The following CHODL variants were observed in gnomAD, a reference collection of about 807,000 sequenced individuals.
CHODL encodes transmembrane protein MT75.
Under a neutral mutation model 34.5 loss-of-function variants are expected in CHODL, and 29 were observed. The observed-to-expected ratio is 0.84, with a 90% CI of 0.63 to 1.15. The LOEUF (loss-of-function observed/expected upper bound fraction) is 1.15. CHODL is among the 50% of genes most tolerant of loss of function. The pLI, the probability that CHODL is intolerant of heterozygous loss-of-function variation, is 0.00. For missense variants in CHODL, 332 were observed against 332.5 expected (o/e 1.00, Z 0.01); for synonymous variants, 125 against 116.1 (o/e 1.08, Z -0.49).
intron 1 of CHODL, among the ~76,000 whole-genome samples, chr21:18,000,922 C>T (rs896580653): frequency 9.2e-5 from 14 of 151,722 alleles, no homozygotes; most frequent in South Asian, 2.1e-4. Context: ...CTGAACTTTC[C>T]GAAAAACAGA....
rs571429894 is a variant in CHODL at position 17,956,364 on chromosome 21, C to A, written c.-145+38964C>A. ...AATTGAAAGCCTCCTGAGGCCCCCC[C>A]AGAAGCAGATGCTAGCACTATGCTT... On this transcript the variant is annotated intron_variant, in intron 1 of 6. Transcript: ENST00000400127. 7.3e-5 allele frequency among the ~76,000 whole-genome samples: 10 copies of A among 136,492 alleles called. No homozygotes were observed. The East Asian group carries it at 2.2e-3, about 30-fold the overall frequency. 89.5% of individuals were successfully genotyped at this position (136,492 alleles called of 152,430 possible).
At chr21:17,978,240 G>T (rs1380669388) in intron 1 of CHODL, among the ~76,000 whole-genome samples, 1 of 152,038 alleles carries the variant, frequency 6.6e-6, no homozygotes, top group African/African-American at 2.4e-5. Flanking sequence ...TGGCCAGCAT[G>T]GTGAAACCCT....
chr21:18,214,400 G>A lies in CHODL; in HGVS notation c.-44-42109G>A, dbSNP rs1272603547. Among the ~76,000 whole-genome samples the A allele has an allele frequency of 2.0e-5, 3 of 152,070 alleles. No individual in the cohort carries two copies. In the East Asian group the frequency reaches 5.8e-4, roughly 29 times the overall value. ...TGCATGCTTAGAATGGATAAGACTA[G>A]TGTTTTAATTATCTTTCAATCGCTC... is the stretch of plus-strand genomic sequence containing the variant. On this transcript the variant is annotated intron_variant, in intron 2 of 6. Transcript: ENST00000400127.
At chr21:17,922,891 G>T (rs1043187076) in intron 1 of CHODL, among the ~76,000 whole-genome samples, 1 of 152,094 alleles carries the variant, frequency 6.6e-6, no homozygotes, top group Non-Finnish European at 1.5e-5. Flanking sequence ...AGCACAGCTT[G>T]CTTTTATTCA....
chr21:18,034,588 G>A (rs1179889379), intron 2 of CHODL: 2 of 152,048 alleles, frequency 1.3e-5, no homozygotes, highest in South Asian at 2.1e-4. Context: ...GAATATATTT[G>A]TATTAGCGTG....
chr21:18,035,723 G>A (rs1568854565), intron 2 of CHODL, among the ~76,000 whole-genome samples: 1 of 151,894 alleles, frequency 6.6e-6, no homozygotes, highest in South Asian at 2.1e-4. Flanking sequence ...AACCTAATCT[G>A]CTATTAATTT....
chr21:18,248,696 T>TATATATGTATCTATTATATAC (rs1568955268), intron 1 of CHODL, among the ~76,000 whole-genome samples: 3 of 116,004 alleles, frequency 2.6e-5, no homozygotes, highest in African/African-American at 1.2e-4. Flanking sequence ...ATTATATACA[T>TATATATGTATCTATTATATAC]ATATATGTAT....
At chr21:18,165,821 T>A (rs1241126376) in intron 2 of CHODL, among the ~76,000 whole-genome samples, 1 of 152,204 alleles carries the variant, frequency 6.6e-6, no homozygotes, top group Non-Finnish European at 1.5e-5. Flanking sequence ...TCTAAATGAC[T>A]CCTGTGGCCA....
At chr21:17,959,965 A>G (rs1247257749) in intron 1 of CHODL, among the ~76,000 whole-genome samples, 1 of 152,152 alleles carries the variant, frequency 6.6e-6, no homozygotes, top group Non-Finnish European at 1.5e-5. Flanking sequence ...CAGTGGTATC[A>G]GTATTGATAT....
chr21:18,171,293 G>T (rs1283806584), intron 2 of CHODL, among the ~76,000 whole-genome samples: 1 of 125,646 alleles, frequency 8.0e-6, no homozygotes, highest in Non-Finnish European at 1.6e-5. Flanking sequence ...TGCAAGCTCC[G>T]CCTCCCGGGT....
At chr21:18,100,766 G>A (rs1359950215) in intron 2 of CHODL, among the ~76,000 whole-genome samples, 1 of 152,104 alleles carries the variant, frequency 6.6e-6, no homozygotes, top group Non-Finnish European at 1.5e-5. Flanking sequence ...TAAGATTTTT[G>A]CTTAAGCTTG....
chr21:18,249,431 A>G (rs60993879), intron 1 of CHODL, among the ~76,000 whole-genome samples: 2,865 of 152,102 alleles, frequency 0.019, 74 homozygotes, highest in African/African-American at 0.064. Flanking sequence ...AAAGGCATAT[A>G]TGGTTTGAAA....
intron 2 of CHODL, among the ~76,000 whole-genome samples, chr21:18,048,600 C>CA (rs1371222045): frequency 6.6e-6 from 1 of 151,724 alleles, no homozygotes; most frequent in Non-Finnish European, 1.5e-5. Context: ...ACCCTATCAG[C>CA]AAAAAAACTT....
intron 1 of CHODL, among the ~76,000 whole-genome samples, chr21:17,976,270 GAAAAAAAAAAAAAAAAAA>G (rs71318119): frequency 1.5e-5 from 1 of 66,536 alleles, no homozygotes; most frequent in Non-Finnish European, 3.2e-5. Context: ...GACCATCTCA[GAAAAAAAAAAAAAAAAAA>G]AAAAAAAAAA....
Position 18,245,034 on chromosome 21 carries a change from G to T in CHODL, c.-190G>T, listed in dbSNP as rs990606565. ...ACTCCAGCCCCGCACATCCACGCGC[G>T]GCACAGGCGCGGCAGGCGGCAGGTC... On this transcript the variant is annotated 5_prime_UTR_variant, in exon 1 of 6. Coordinates refer to ENST00000299295, the MANE Select transcript of CHODL (RefSeq NM_024944.3). The T allele has an allele frequency of 1.0e-5, 5 of 488,750 alleles. No individual in the cohort carries two copies. The highest frequency in any genetic ancestry group is 1.8e-5 in the Non-Finnish European group (5 of 284,252). The allele number at this position is 488,750 out of a possible 1,614,324, so 30.3% of individuals were successfully genotyped here.
intron 2 of CHODL, among the ~76,000 whole-genome samples, chr21:18,218,805 C>T (rs944774629): frequency 9.9e-5 from 15 of 152,184 alleles, no homozygotes; most frequent in African/African-American, 3.6e-4. Flanking sequence ...CTTTGCATAG[C>T]AAGAGCAACC....
At chr21:18,230,119 C>T (rs2146753557) in intron 2 of CHODL, among the ~76,000 whole-genome samples, 1 of 152,182 alleles carries the variant, frequency 6.6e-6, no homozygotes, top group South Asian at 2.1e-4. Context: ...TCTGTACTTA[C>T]CCTGAGAAAA....
intron 1 of CHODL, among the ~76,000 whole-genome samples, chr21:18,006,958 T>C (rs766744753): frequency 1.3e-5 from 2 of 152,222 alleles, no homozygotes; most frequent in Non-Finnish European, 2.9e-5. Context: ...TGTGAGCCTA[T>C]AAATGAGTAA....
At chr21:18,167,211 C>CTGTGTGTGTG (rs71329776) in intron 2 of CHODL, among the ~76,000 whole-genome samples, 919 of 88,136 alleles carry the variant, frequency 0.01, 5 homozygotes, top group Middle Eastern at 0.042. Flanking sequence ...TTCTCTCTCT[C>CTGTGTGTGTG]TGTGTGTGTG....
Sources: gnomAD v4.1 joint callset for allele counts (sites outside exome capture counted in the v4.1 genomes callset) on GRCh38, gnomAD v4.1.1 for gene constraint, MANE v1.5 for transcripts, NCBI Gene and HGNC (gene_info 2026-07-23, HGNC 2026-07-21) for gene names.